SERPINB11: variants seen among roughly 807,000 people sequenced by gnomAD.
The protein encoded by SERPINB11 is serpin B11.
SERPINB11 carries 32 observed loss-of-function variants against 36.7 expected under a neutral mutation model. The observed-to-expected ratio is 0.87, with a 90% CI of 0.66 to 1.17. SERPINB11 has a LOEUF of 1.17. SERPINB11 is among the 50% of genes most tolerant of loss of function. The pLI, the probability that SERPINB11 is intolerant of heterozygous loss-of-function variation, is 0.00. For missense variants in SERPINB11, 528 were observed against 458.4 expected (o/e 1.15, Z -1.39); for synonymous variants, 174 against 168.1 (o/e 1.04, Z -0.27).
In SERPINB11 at chr18:63,720,000, T is replaced by A. The variant is rs1266403301; in HGVS notation, c.476-13T>A. The A allele has an allele frequency of 6.3e-7, 1 of 1,583,842 alleles. No individual in the cohort carries two copies. The highest frequency in any genetic ancestry group is 8.6e-7 in the Non-Finnish European group (1 of 1,166,570). On this transcript the variant is annotated splice_polypyrimidine_tract_variant and intron_variant, in intron 5 of 7. Transcript: ENST00000544088. ...TTCAAATCCAAATATAATTATCTTA[T>A]TTTTTATACAAGGAAAAGTCGCAAA... is the stretch of plus-strand genomic sequence containing the variant.
In SERPINB11 at chr18:63,711,259, G is replaced by T. The variant is rs1914514093; in HGVS notation, c.169-76G>T. ...GATCTTGATCTAAAATAGAAAAATA[G>T]ATACTTACAACTGTCAACCTTTATA... On this transcript the variant is annotated intron_variant, in intron 2 of 7. Coordinates refer to ENST00000544088, the MANE Select transcript of SERPINB11 (RefSeq NM_001370475.1). 5.1e-6 allele frequency: 5 copies of T among 979,984 alleles called. No individual in the cohort carries two copies. The East Asian group carries it at 1.2e-4, about 23-fold the overall frequency. 60.7% of individuals were successfully genotyped at this position (979,984 alleles called of 1,614,324 possible). A position where few individuals can be genotyped will look rare whatever the true frequency, so the allele number is the denominator to read the frequency against.
chr18:63,703,766 C>T (rs958711450), intron 1 of SERPINB11, among the ~76,000 whole-genome samples: 4 of 152,196 alleles, frequency 2.6e-5, no homozygotes, highest in African/African-American at 9.6e-5. Flanking sequence ...AAGGACAGAA[C>T]CAGACCCTCC....
At chr18:63,716,927 G>C (rs1914684120) in intron 5 of SERPINB11, among the ~76,000 whole-genome samples, 1 of 151,804 alleles carries the variant, frequency 6.6e-6, no homozygotes, top group African/African-American at 2.4e-5. Context: ...GTAAATTATT[G>C]TATGTGTGCT....
In SERPINB11 at chr18:63,712,691, C is replaced by T. The variant is rs1914560388; in HGVS notation, c.355C>T (p.Gln119Ter). The change falls in exon 4 of 8, where the codon CAG becomes TAG. Residue 119 changes from glutamine (Q) to a stop codon, truncating the protein, a stop_gained and splice_region_variant. Coordinates refer to ENST00000544088, the MANE Select transcript of SERPINB11 (RefSeq NM_001370475.1). LOFTEE classifies it high-confidence loss of function. ...CGGGACAAAGACGATGGCATTTCATCAGGTAAGTCCATTTGGAAGAGTGAT... is the reference window on the plus strand; with the variant it reads ...CGGGACAAAGACGATGGCATTTCATTAGGTAAGTCCATTTGGAAGAGTGAT... ...LYGTKTMAFH[Q>*]QYLSCSEKWY... 1 of 1,612,476 alleles carries T rather than the reference C, an allele frequency of 6.2e-7. No homozygotes were observed. The highest frequency in any genetic ancestry group is 1.3e-5 in the African/African-American group (1 of 75,002).
At chr18:63,721,353 T>A (rs1914808607) in intron 7 of SERPINB11, among the ~76,000 whole-genome samples, 1 of 127,738 alleles carries the variant, frequency 7.8e-6, no homozygotes, top group African/African-American at 3.3e-5. Context: ...CATTTTACTC[T>A]GGGGGCAGTA....
chr18:63,715,608 C>T (rs1466967), intron 4 of SERPINB11, among the ~76,000 whole-genome samples: 32,365 of 151,872 alleles, frequency 0.21, 4,716 homozygotes, highest in East Asian at 0.4. Context: ...ATCATGGGAG[C>T]AACCTTCTGT....
At chr18:63,713,520 G>T (rs1480293214) in intron 4 of SERPINB11, among the ~76,000 whole-genome samples, 1 of 152,212 alleles carries the variant, frequency 6.6e-6, no homozygotes, top group East Asian at 1.9e-4. Context: ...GAAGCTGGAT[G>T]AAAACATGAG....
In SERPINB11 at chr18:63,723,612, C is replaced by G. The variant is rs1914886479; in HGVS notation, c.*213C>G. The G allele has an allele frequency of 2.1e-6, 1 of 470,718 alleles. No homozygotes were observed. The highest frequency in any genetic ancestry group is 3.8e-5 in the Admixed American group (1 of 26,626). 29.2% of individuals were successfully genotyped at this position (470,718 alleles called of 1,614,324 possible). On this transcript the variant is annotated 3_prime_UTR_variant, in exon 8 of 8. Coordinates refer to ENST00000544088, the MANE Select transcript of SERPINB11 (RefSeq NM_001370475.1). ...GAAAAAGGTAGATTTATGCAGAAAG[C>G]CTTTCTGGCTTTCTTATCTGTGGTG...
At chr18:63,710,566 C>T (rs771937252) in intron 2 of SERPINB11, among the ~76,000 whole-genome samples, 7 of 152,138 alleles carry the variant, frequency 4.6e-5, no homozygotes, top group East Asian at 1.9e-4. Flanking sequence ...ATACAAGCAA[C>T]GTGTGGTCTC....
At chr18:63,720,510 A>T (rs2144550130) in intron 6 of SERPINB11, 1 of 339,632 alleles carries the variant, frequency 2.9e-6, no homozygotes, top group Non-Finnish European at 5.2e-6. Context: ...TTGAGGAAAG[A>T]TTAAAAAGAA....
At chr18:63,713,760 T>G (rs1371879474) in intron 4 of SERPINB11, among the ~76,000 whole-genome samples, 1 of 152,140 alleles carries the variant, frequency 6.6e-6, no homozygotes, top group Non-Finnish European at 1.5e-5. Flanking sequence ...CTCTCTTGAC[T>G]TTGCCTTCTC....
intron 7 of SERPINB11, among the ~76,000 whole-genome samples, chr18:63,722,739 C>G (rs1418617914): frequency 1.3e-5 from 2 of 152,088 alleles, no homozygotes; most frequent in African/African-American, 4.8e-5. Flanking sequence ...AGCATGTATG[C>G]TGAGGGAATT....
At position 63,703,716 on chromosome 18, in the gene SERPINB11, A is replaced by G. The variant is rs543602777; in HGVS notation, c.-16+710A>G. On this transcript the variant is annotated intron_variant, in intron 1 of 7. Transcript: ENST00000544088. ...CAGGGTATGGTACATACTGTAAGAT[A>G]CTGGTGTCTTAGCCACCCTTGGAGA... Among the ~76,000 whole-genome samples the G allele has an allele frequency of 2.6e-5, 4 of 152,334 alleles. No homozygotes were observed. The South Asian group carries it at 6.2e-4, about 24-fold the overall frequency.
chr18:63,709,469 G>T (rs1057271415), intron 1 of SERPINB11, among the ~76,000 whole-genome samples: 1 of 152,004 alleles, frequency 6.6e-6, no homozygotes, highest in Non-Finnish European at 1.5e-5. Flanking sequence ...AAGTTAGCCG[G>T]GCGTGGTGGC....
At chr18:63,702,450 G>A (rs891557560), upstream of SERPINB11, 3 of 152,174 alleles carry the variant, frequency 2.0e-5, no homozygotes, top group Admixed American at 6.6e-5. Flanking sequence ...AATTAGCTGG[G>A]TGTGGTGGTG....
chr18:63,709,048 C>T (rs1914445253), intron 1 of SERPINB11, among the ~76,000 whole-genome samples: 1 of 152,226 alleles, frequency 6.6e-6, no homozygotes, highest in African/African-American at 2.4e-5. Context: ...ATCCATAGCC[C>T]TCTACAGTTA....
Position 63,712,626 on chromosome 18 carries a change from CA to C in SERPINB11, c.291del (p.Asp98ThrfsTer25). 6.2e-7 allele frequency: 1 copy of C among 1,613,836 alleles called. No individual in the cohort carries two copies. Among genetic ancestry groups the C allele is most frequent in the Non-Finnish European group, 8.5e-7 (1 of 1,179,746 alleles). The part of the protein sequence containing the change: ...FGVEFSQINQ[P>X]DSNCTLSIAN... ...GTCGAATTCTCTCAAATCAACCAGC[CA>C]GACTCTAACTGTACCCTCAGCATTG... On this transcript the variant is annotated frameshift_variant, in exon 4 of 8. Coordinates refer to ENST00000544088, the MANE Select transcript of SERPINB11 (RefSeq NM_001370475.1). LOFTEE classifies it high-confidence loss of function.
At chr18:63,710,410 T>G (rs1395269) in intron 2 of SERPINB11, 49 bp downstream of exon 2, 502,366 of 1,496,206 alleles carry the variant, frequency 0.34, 89,392 homozygotes, top group East Asian at 0.6. Context: ...TCTTTCATGC[T>G]CCCGCTCTGG....
chr18:63,711,367 A>T lies in SERPINB11; in HGVS notation c.201A>T (p.Leu67Phe), dbSNP rs1025873469. ...VLHFSHTVDS[L>F]KPGFKDSPKC... ...ATTTTAGTCATACTGTAGACTCATT[A>T]AAACCAGGGTTCAAGGACTCACCTA... Residue 67 changes from leucine (L) to phenylalanine (F), a missense_variant, in exon 3 of 8, where the codon TTA becomes TTT. Physicochemically the swap from Leu to Phe is conservative, Grantham distance 22 (BLOSUM62 0). Transcript: ENST00000544088. 3.1e-6 allele frequency: 5 copies of T among 1,611,004 alleles called. No individual in the cohort carries two copies. In the African/African-American group the frequency reaches 6.7e-5, roughly 22 times the overall value.
Sources: allele counts gnomAD v4.1 joint callset (sites outside exome capture counted in the v4.1 genomes callset), GRCh38; gene constraint gnomAD v4.1.1; transcripts MANE v1.5; gene names NCBI Gene and HGNC (gene_info 2026-07-23, HGNC 2026-07-21).